Variants in GATD1 observed in about 807,000 individuals in gnomAD.
The protein encoded by GATD1 is glutamine amidotransferase class 1 domain containing 1, also known as glutamine amidotransferase-like class 1 domain-containing protein 1.
A neutral mutation model predicts 25.9 loss-of-function variants in GATD1; 23 were observed. That is an observed-to-expected ratio of 0.89 (90% CI 0.64 to 1.26). The LOEUF (loss-of-function observed/expected upper bound fraction) is 1.26. Ranked by LOEUF, GATD1 falls within the 50% of genes most tolerant of loss-of-function variation. GATD1 has a pLI of 0.00. For synonymous variants in GATD1, 177 were observed against 134.6 expected (o/e 1.31, Z -2.18); for missense variants, 347 against 312.5 (o/e 1.11, Z -0.83).
In GATD1 at chr11:771,116, C is replaced by T. The variant is rs200254183; in HGVS notation, c.545-12G>A. 153 of 1,578,758 alleles carry T rather than the reference C, an allele frequency of 9.7e-5. No homozygotes were observed. The highest frequency in any genetic ancestry group is 1.9e-4 in the African/African-American group (14 of 74,160). ...GTCAGGCTCGCTTGCTGGGGAGGACCGAGGGCACCAACCTCAGGCAATGTC... is the reference window on the plus strand; with the variant it reads ...GTCAGGCTCGCTTGCTGGGGAGGACTGAGGGCACCAACCTCAGGCAATGTC... On this transcript the variant is annotated splice_polypyrimidine_tract_variant and intron_variant, in intron 6 of 7. Coordinates refer to ENST00000319863, the MANE Select transcript of GATD1 (RefSeq NM_182612.4).
In GATD1 at chr11:769,617, G is replaced by GTT. The variant is rs974956346; in HGVS notation, c.*1278_*1279dup. 2 of 139,770 alleles carry GTT rather than the reference G, an allele frequency of 1.4e-5. No individual in the cohort carries two copies. Among genetic ancestry groups the GTT allele is most frequent in the African/African-American group, 2.7e-5 (1 of 37,276 alleles). 8.7% of individuals were successfully genotyped at this position (139,770 alleles called of 1,614,324 possible). A position where few individuals can be genotyped will look rare whatever the true frequency, so the allele number is the denominator to read the frequency against. On this transcript the variant is annotated 3_prime_UTR_variant, in exon 8 of 8. Coordinates refer to ENST00000319863, the MANE Select transcript of GATD1 (RefSeq NM_182612.4). ...AGCCACCGCGCCCAGCCAACTGAACGTTTTTTTTTTGAGATGGAGTCTCAC... is the reference window on the plus strand; with the variant it reads ...AGCCACCGCGCCCAGCCAACTGAACGTTTTTTTTTTTTGAGATGGAGTCTCAC...
intron 2 of GATD1, among the ~76,000 whole-genome samples, chr11:774,761 C>T (rs1863795625): frequency 6.6e-6 from 1 of 152,010 alleles, no homozygotes; most frequent in Non-Finnish European, 1.5e-5. Context: ...ACCCGGGAGG[C>T]GGAGGTTGTG....
intron 4 of GATD1, 109 bp from the exon 5 acceptor site, chr11:772,630 C>T: frequency 2.0e-6 from 2 of 991,228 alleles, no homozygotes; most frequent in Non-Finnish European, 3.1e-6. Flanking sequence ...GCCTGCCTGG[C>T]CCCTCCTCCC....
At position 770,903 on chromosome 11, in the gene GATD1, C is replaced by T. The variant is rs1353054593; in HGVS notation, c.657G>A (p.Arg219=). ...GTGCATCTACCCAGCAGGTTCATTT[C>T]CTGCAGGACAGACGTGTGGTCAAAG... ...VQNLLFLCGS[R]K is the part of the protein sequence containing the mutation. The change falls in exon 8 of 8, where the codon CGG becomes CGA. Residue 219 remains arginine, a splice_region_variant and synonymous_variant. Transcript: ENST00000319863. 1.2e-6 allele frequency: 2 copies of T among 1,608,540 alleles called. No homozygotes were observed. Among genetic ancestry groups the T allele is most frequent in the Non-Finnish European group, 1.7e-6 (2 of 1,176,512 alleles).
At position 771,007 on chromosome 11, in the gene GATD1, G is replaced by C. The variant is rs745361541; in HGVS notation, c.642C>G (p.Phe214Leu). Residue 214 changes from phenylalanine to leucine, a missense_variant, in exon 7 of 8, where the codon TTC becomes TTG. Transcript: ENST00000319863. ...GGTGCCCTCACCGGCTGCCACAGAGGAAGAGCAGGTTCTGCACGGCCGGGA... is the reference window on the plus strand; with the variant it reads ...GGTGCCCTCACCGGCTGCCACAGAGCAAGAGCAGGTTCTGCACGGCCGGGA... ...STVPAVQNLL[F>L]LCGSRK is the part of the protein sequence containing the mutation. 3 of 1,613,448 alleles carry C rather than the reference G, an allele frequency of 1.9e-6. No homozygotes were observed. The highest frequency in any genetic ancestry group is 3.3e-5 in the Admixed American group (2 of 60,016).
At chr11:774,724 G>A (rs1324343323) in intron 2 of GATD1, among the ~76,000 whole-genome samples, 1 of 152,228 alleles carries the variant, frequency 6.6e-6, no homozygotes, top group Non-Finnish European at 1.5e-5. Context: ...CAGCTACTCG[G>A]GAGGCTGAGG....
chr11:771,219 C>A, intron 6 of GATD1, 114 bp downstream of exon 6: 1 of 1,546,426 alleles, frequency 6.5e-7, no homozygotes, highest in South Asian at 1.2e-5. Context: ...GGGTCTGAGT[C>A]AGTGCCATGG....
At position 773,635 on chromosome 11, in the gene GATD1, G is replaced by A. The variant is rs1863673989; in HGVS notation, c.248-6C>T. The stretch of plus-strand genomic sequence containing the variant: ...GAGGGCATGGTACCGGGCACCTGGG[G>A]GGAGACCACAAACCAGGTAGCAGCC... On this transcript the variant is annotated splice_polypyrimidine_tract_variant and splice_region_variant and intron_variant, in intron 3 of 7. Transcript: ENST00000319863. The A allele has an allele frequency of 4.4e-6, 7 of 1,596,588 alleles. No individual in the cohort carries two copies. Among genetic ancestry groups the A allele is most frequent in the African/African-American group, 1.3e-5 (1 of 74,296 alleles).
Position 770,775 on chromosome 11 carries a change from C to A in GATD1, c.*122G>T. 1.3e-6 allele frequency: 2 copies of A among 1,525,648 alleles called. No homozygotes were observed. Among genetic ancestry groups the A allele is most frequent in the South Asian group, 1.3e-5 (1 of 78,500 alleles). 94.5% of individuals were successfully genotyped at this position (1,525,648 alleles called of 1,614,324 possible). On this transcript the variant is annotated 3_prime_UTR_variant, in exon 8 of 8. Coordinates refer to ENST00000319863, the MANE Select transcript of GATD1 (RefSeq NM_182612.4). ...GAGGCCTCCAACAATCCCATCAGGG[C>A]CAGACCAGGCTGCCATCCAGGGCCC...
intron 2 of GATD1, 75 bp downstream of exon 2, chr11:774,991 A>T: frequency 7.3e-7 from 1 of 1,367,128 alleles, no homozygotes; most frequent in East Asian, 2.5e-5. Flanking sequence ...CCGCGGCGGC[A>T]GTCTCCTGAC....
At chr11:774,203 A>G (rs1863736290) in intron 2 of GATD1, 90 bp from the exon 3 acceptor site, 1 of 1,112,810 alleles carries the variant, frequency 9.0e-7, no homozygotes, top group Admixed American at 2.0e-5. Flanking sequence ...CAAGGGACCC[A>G]ACAGCATCCC....
chr11:773,538 G>A lies in GATD1; in HGVS notation c.339C>T (p.His113=). 1.9e-6 allele frequency: 3 copies of A among 1,610,700 alleles called. No homozygotes were observed. Among genetic ancestry groups the A allele is most frequent in the East Asian group, 2.2e-5 (1 of 44,736 alleles). The change falls in exon 4 of 8, where the codon CAC becomes CAT. Residue 113 remains histidine (H), a synonymous_variant. Transcript: ENST00000319863. ...GTCACCTACTGCTCTCAGAGTGGAA[G>A]TGCTGCAGGATACGGGCCAGGGAGC... ...SSGSLARILQ[H]FHSESKPICA...
chr11:770,822 G>T lies in GATD1; in HGVS notation c.*75C>A. ...GCCCTTGTCAGGAGGGAAGAGGCGG[G>T]GTCCCTGAAGCCTGAGACGGGGCTG... On this transcript the variant is annotated 3_prime_UTR_variant, in exon 8 of 8. Transcript: ENST00000319863. 6.4e-7 allele frequency: 1 copy of T among 1,550,828 alleles called. No individual in the cohort carries two copies. The highest frequency in any genetic ancestry group is 1.8e-5 in the Admixed American group (1 of 54,108).
At position 769,036 on chromosome 11, in the gene GATD1, G is replaced by T; in HGVS notation, c.*1861C>A. On this transcript the variant is annotated 3_prime_UTR_variant, in exon 8 of 8. Transcript: ENST00000319863. ...GAATCGCTTGAACCCGGGAGACAGA[G>T]GTTGCAGTGAGCCAAGATTGTGCCA... is the stretch of plus-strand genomic sequence containing the variant. The T allele has an allele frequency of 3.1e-6, 2 of 637,224 alleles. No homozygotes were observed. Among genetic ancestry groups the T allele is most frequent in the Non-Finnish European group, 3.9e-6 (2 of 512,096 alleles). The allele number at this position is 637,224 out of a possible 1,614,324, so 39.5% of individuals were successfully genotyped here. A position where few individuals can be genotyped will look rare whatever the true frequency, so the allele number is the denominator to read the frequency against.
At chr11:776,277 A>C (rs1309111710) in intron 1 of GATD1, among the ~76,000 whole-genome samples, 1 of 152,102 alleles carries the variant, frequency 6.6e-6, no homozygotes, top group Non-Finnish European at 1.5e-5. Context: ...CACTGCGCCC[A>C]GACTCTTCAT....
chr11:770,842 G>C lies in GATD1; in HGVS notation c.*55C>G. On this transcript the variant is annotated 3_prime_UTR_variant, in exon 8 of 8. Transcript: ENST00000319863. ...GGCGGGGTCCCTGAAGCCTGAGACGGGGCTGCCTCTGGAGACACCTGGGCT... is the reference window on the plus strand; with the variant it reads ...GGCGGGGTCCCTGAAGCCTGAGACGCGGCTGCCTCTGGAGACACCTGGGCT... The C allele has an allele frequency of 6.4e-7, 1 of 1,562,268 alleles. No individual in the cohort carries two copies. The highest frequency in any genetic ancestry group is 8.7e-7 in the Non-Finnish European group (1 of 1,150,680).
chr11:773,673 G>C, intron 3 of GATD1, 44 bp from the exon 4 acceptor site: 1 of 1,450,958 alleles, frequency 6.9e-7, no homozygotes, highest in South Asian at 1.2e-5. Flanking sequence ...ATGTCAAAGT[G>C]AGACTACCTG....
At chr11:777,153 C>T (rs2133662772) in intron 1 of GATD1, 2 of 287,358 alleles carry the variant, frequency 7.0e-6, no homozygotes, top group East Asian at 5.7e-5. Context: ...GGATCCATCA[C>T]GACCCCCCGA....
At chr11:771,307 G>C (rs1270559006) in intron 6 of GATD1, 26 bp downstream of exon 6, 2 of 1,603,992 alleles carry the variant, frequency 1.2e-6, no homozygotes, top group Non-Finnish European at 1.7e-6. Context: ...TCTTCTGTAA[G>C]TGCAGGGGGC....
Sources: allele counts gnomAD v4.1 joint callset (sites outside exome capture counted in the v4.1 genomes callset), GRCh38; gene constraint gnomAD v4.1.1; transcripts MANE v1.5; gene names NCBI Gene and HGNC (gene_info 2026-07-23, HGNC 2026-07-21).